The following SLC12A1 variants were observed in gnomAD, a reference collection of about 807,000 sequenced individuals.
SLC12A1 encodes the protein solute carrier family 12 member 1.
SLC12A1 carries 89 observed loss-of-function variants against 130.4 expected under a neutral mutation model. The ratio of observed to expected loss-of-function variants is 0.68; its 90% CI spans 0.58 to 0.81. The LOEUF is 0.81. Among genes scored for constraint, SLC12A1 ranks in the 40% least tolerant of loss-of-function variants. The pLI, the probability that SLC12A1 is intolerant of heterozygous loss-of-function variation, is 0.00. For missense variants in SLC12A1, 1,310 were observed against 1,336.4 expected (o/e 0.98, Z 0.31); for synonymous variants, 499 against 460.0 (o/e 1.08, Z -1.09).
chr15:48,261,981 T>C (rs1442602586), intron 17 of SLC12A1, among the ~76,000 whole-genome samples: 2 of 152,174 alleles, frequency 1.3e-5, no homozygotes, highest in African/African-American at 4.8e-5. Flanking sequence ...TAATGCTGAG[T>C]ATGGTGTCCC....
At chr15:48,274,470 T>C in intron 19 of SLC12A1, 101 bp from the exon 20 acceptor site, 1 of 768,630 alleles carries the variant, frequency 1.3e-6, no homozygotes, top group Non-Finnish European at 2.2e-6. Flanking sequence ...ATTTTAATAG[T>C]TTCATTATAT....
Position 48,259,180 on chromosome 15 carries a change from C to T in SLC12A1, c.2043-20C>T. On this transcript the variant is annotated intron_variant, in intron 16 of 26. Transcript: ENST00000380993. ...GGCTTCTTGCAGGGGCTCATTTTCA[C>T]ATCTTTTTTTTACTTCCAGGCCCCA... 6.6e-7 allele frequency: 1 copy of T among 1,509,590 alleles called. No individual in the cohort carries two copies. The highest frequency in any genetic ancestry group is 9.2e-7 in the Non-Finnish European group (1 of 1,085,136). 93.5% of individuals were successfully genotyped at this position (1,509,590 alleles called of 1,614,324 possible). A position where few individuals can be genotyped will look rare whatever the true frequency, so the allele number is the denominator to read the frequency against.
chr15:48,252,251 C>A (rs934464513), intron 15 of SLC12A1, among the ~76,000 whole-genome samples: 3 of 152,128 alleles, frequency 2.0e-5, no homozygotes, highest in Admixed American at 6.6e-5. Flanking sequence ...CCTTGTTGAG[C>A]ACCTATTATA....
chr15:48,251,121 G>A (rs755907186), intron 14 of SLC12A1, among the ~76,000 whole-genome samples: 1 of 151,934 alleles, frequency 6.6e-6, no homozygotes, highest in African/African-American at 2.4e-5. Flanking sequence ...TGTCCTCTTA[G>A]GGTAATGGAA....
Position 48,241,075 on chromosome 15 carries a change from A to AT in SLC12A1, c.1216-433dup, listed in dbSNP as rs879375785. ...CATCCTTTTTACTCAGTCAAAAGTG[A>AT]TTTTTTTAAAGGCAAGCTTAAGCTC... On this transcript the variant is annotated intron_variant, in intron 9 of 26. Transcript: ENST00000380993. 2.8e-4 allele frequency among the ~76,000 whole-genome samples: 43 copies of AT among 152,248 alleles called. 1 individual carries two copies. Among genetic ancestry groups the AT allele is most frequent in the South Asian group, 6.2e-4 (3 of 4,816 alleles).
chr15:48,241,850 G>C (rs1453636536), intron 10 of SLC12A1, among the ~76,000 whole-genome samples: 4 of 152,148 alleles, frequency 2.6e-5, no homozygotes, highest in Non-Finnish European at 4.4e-5. Flanking sequence ...TGAACACAAA[G>C]AGGGTCCCAT....
chr15:48,246,745 A>G (rs946054345), intron 11 of SLC12A1, among the ~76,000 whole-genome samples, 164 bp from the exon 12 acceptor site: 1 of 152,250 alleles, frequency 6.6e-6, no homozygotes, highest in Non-Finnish European at 1.5e-5. Flanking sequence ...GTGCCACTGC[A>G]CTCCAGCCTG....
In SLC12A1 at chr15:48,259,330, CA is replaced by C. The variant is rs1435291788; in HGVS notation, c.2154+20del. The C allele has an allele frequency of 5.4e-6, 8 of 1,480,360 alleles. No homozygotes were observed. In the Admixed American group the frequency reaches 1.3e-4, roughly 25 times the overall value. 91.7% of individuals were successfully genotyped at this position (1,480,360 alleles called of 1,614,324 possible). A position where few individuals can be genotyped will look rare whatever the true frequency, so the allele number is the denominator to read the frequency against. On this transcript the variant is annotated intron_variant, in intron 17 of 26. Transcript: ENST00000380993. ...CTTTGTGGTAAGAGCCACTTCACCC[CA>C]GGGAAGTCCTTTTTCCTCCCTGCTT... is the stretch of plus-strand genomic sequence containing the variant.
In SLC12A1 at chr15:48,267,707, G is replaced by T. The variant is rs777204984; in HGVS notation, c.2295+6G>T. On this transcript the variant is annotated splice_donor_region_variant and intron_variant, in intron 18 of 26. Transcript: ENST00000380993. Reference sequence around the variant, plus strand: ...GTGTCCGAAGTCTTCTTCAGGTAAGGCTGCATTGAGGGAATGAGCACAGAG... The same window carrying T: ...GTGTCCGAAGTCTTCTTCAGGTAAGTCTGCATTGAGGGAATGAGCACAGAG... The T allele has an allele frequency of 1.2e-6, 2 of 1,612,882 alleles. No individual in the cohort carries two copies. The highest frequency in any genetic ancestry group is 1.7e-6 in the Non-Finnish European group (2 of 1,179,222).
chr15:48,288,584 T>C, intron 23 of SLC12A1, 68 bp downstream of exon 23: 1 of 759,142 alleles, frequency 1.3e-6, no homozygotes, highest in Non-Finnish European at 2.3e-6. Flanking sequence ...TTAATTTTAA[T>C]AACTTTAAGT....
chr15:48,258,408 C>CCAAGGAGT (rs1375210870), intron 16 of SLC12A1, among the ~76,000 whole-genome samples: 6 of 147,348 alleles, frequency 4.1e-5, no homozygotes. Context: ...ACTCCAGTTC[C>CCAAGGAGT]CAAGGAGTTC....
intron 20 of SLC12A1, among the ~76,000 whole-genome samples, chr15:48,277,682 GT>G (rs1048302554): frequency 4.3e-4 from 65 of 152,322 alleles, no homozygotes; most frequent in African/African-American, 1.4e-3. Flanking sequence ...CTGAGAGTAG[GT>G]TCAGCAGACA....
chr15:48,268,548 G>T (rs910125676), intron 18 of SLC12A1, among the ~76,000 whole-genome samples: 1 of 152,166 alleles, frequency 6.6e-6, no homozygotes, highest in Non-Finnish European at 1.5e-5. Flanking sequence ...AAAAATATTG[G>T]TTAAGCTTAA....
intron 20 of SLC12A1, among the ~76,000 whole-genome samples, chr15:48,276,930 G>T (rs1481542820): frequency 1.3e-5 from 2 of 152,208 alleles, no homozygotes; most frequent in African/African-American, 4.8e-5. Context: ...GAAATGTACA[G>T]TAAGATCATG....
Position 48,230,380 on chromosome 15 carries a change from T to G in SLC12A1, c.865-13T>G. ...AGCTGTATCTCTAAGCACTTAATAA[T>G]TTGTTTCCCCAGGAGAGTGATTCGA... is the stretch of plus-strand genomic sequence containing the variant. On this transcript the variant is annotated splice_polypyrimidine_tract_variant and intron_variant, in intron 6 of 26. Coordinates refer to ENST00000380993, the MANE Select transcript of SLC12A1 (RefSeq NM_000338.3). The G allele has an allele frequency of 1.3e-6, 2 of 1,561,750 alleles. No individual in the cohort carries two copies. Among genetic ancestry groups the G allele is most frequent in the Admixed American group, 1.7e-5 (1 of 58,948 alleles).
chr15:48,294,180 C>T (rs1344500491), intron 24 of SLC12A1, among the ~76,000 whole-genome samples: 1 of 151,726 alleles, frequency 6.6e-6, no homozygotes, highest in Non-Finnish European at 1.5e-5. Context: ...GAAACCCCGT[C>T]TCTACTAAAA....
intron 9 of SLC12A1, among the ~76,000 whole-genome samples, chr15:48,241,002 A>T (rs562302825): frequency 1.3e-3 from 198 of 152,286 alleles, no homozygotes; most frequent in South Asian, 2.7e-3. Flanking sequence ...TTTCTGAACT[A>T]GATTTCAAAT....
intron 16 of SLC12A1, among the ~76,000 whole-genome samples, chr15:48,257,454 T>C (rs1002774352): frequency 6.6e-6 from 1 of 152,080 alleles, no homozygotes; most frequent in African/African-American, 2.4e-5. Context: ...TCTCCATGAG[T>C]GCTCTGCCCC....
At chr15:48,297,607 G>C (rs2042191081) in intron 24 of SLC12A1, among the ~76,000 whole-genome samples, 1 of 152,198 alleles carries the variant, frequency 6.6e-6, no homozygotes, top group Non-Finnish European at 1.5e-5. Flanking sequence ...ATCAAAATAA[G>C]TATACGAAGA....
Sources: gnomAD v4.1 joint callset for allele counts (sites outside exome capture counted in the v4.1 genomes callset) on GRCh38, gnomAD v4.1.1 for gene constraint, MANE v1.5 for transcripts, NCBI Gene and HGNC (gene_info 2026-07-23, HGNC 2026-07-21) for gene names.